Variants in UBE2E2 observed in about 807,000 individuals in gnomAD.
The protein encoded by UBE2E2 is ubiquitin-conjugating enzyme E2 E2.
A neutral mutation model predicts 24.7 loss-of-function variants in UBE2E2; 6 were observed. The ratio of observed to expected loss-of-function variants is 0.24; its 90% CI spans 0.13 to 0.48. The LOEUF (loss-of-function observed/expected upper bound fraction) is 0.48, where lower values mean the gene tolerates loss of function less well. Ranked by LOEUF, UBE2E2 falls within the 20% of genes least tolerant of loss-of-function variation. The probability of loss-of-function intolerance (pLI) is 0.99; values close to 1 mark genes in which losing one functional copy is unlikely to be tolerated. For synonymous variants in UBE2E2, 104 were observed against 83.6 expected, an observed-to-expected ratio of 1.24 and a Z score of -1.33; for missense variants, 169 against 245.0, an observed-to-expected ratio of 0.69 and a Z score of 2.07.
At chr3:23,216,335 G>A (rs932720578) in intron 2 of UBE2E2, among the ~76,000 whole-genome samples, 16 of 152,202 alleles carry the variant, frequency 1.1e-4, no homozygotes, top group African/African-American at 3.9e-4. Flanking sequence ...GAAATTGTTT[G>A]AGTTTAAATA....
intron 3 of UBE2E2, among the ~76,000 whole-genome samples, chr3:23,326,111 G>A (rs768104551): frequency 4.6e-5 from 7 of 151,912 alleles, no homozygotes; most frequent in South Asian, 2.1e-4. Context: ...TTGCTTTCTC[G>A]CCCAGGCTGG....
intron 3 of UBE2E2, among the ~76,000 whole-genome samples, chr3:23,249,535 T>C (rs1394537659): frequency 6.6e-6 from 1 of 152,202 alleles, no homozygotes; most frequent in African/African-American, 2.4e-5. Flanking sequence ...TGATTCAGGA[T>C]AAACGTAGTT....
At chr3:23,398,866 T>A (rs973044634) in intron 3 of UBE2E2, among the ~76,000 whole-genome samples, 1 of 152,188 alleles carries the variant, frequency 6.6e-6, no homozygotes, top group Non-Finnish European at 1.5e-5. Flanking sequence ...ATACTTATTA[T>A]AAATATTAAT....
intron 2 of UBE2E2, among the ~76,000 whole-genome samples, chr3:23,215,307 T>G (rs1214147528): frequency 6.6e-6 from 1 of 152,076 alleles, no homozygotes; most frequent in Non-Finnish European, 1.5e-5. Flanking sequence ...GCCAATAAAT[T>G]ATACATTTAT....
In UBE2E2 at chr3:23,391,473, T is replaced by G. The variant is rs938197057; in HGVS notation, c.228-108135T>G. Among the ~76,000 whole-genome samples, 5 of 152,342 alleles carry G rather than the reference T, an allele frequency of 3.3e-5. No homozygotes were observed. In the East Asian group the frequency reaches 9.6e-4, roughly 29 times the overall value. On this transcript the variant is annotated intron_variant, in intron 3 of 5. Transcript: ENST00000396703. The stretch of plus-strand genomic sequence containing the variant: ...TGGATACAGGCATGATGCAAACATT[T>G]AAAAATATGGCCACTGTCACAGGAG...
At position 23,346,035 on chromosome 3, in the gene UBE2E2, C is replaced by T. The variant is rs145961861; in HGVS notation, c.227+128723C>T. 8.4e-3 allele frequency among the ~76,000 whole-genome samples: 1,282 copies of T among 152,198 alleles called. 16 individuals carry two copies. Among genetic ancestry groups the T allele is most frequent in the African/African-American group, 0.028 (1,170 of 41,532 alleles). On this transcript the variant is annotated intron_variant, in intron 3 of 5. Transcript: ENST00000396703. Reference sequence around the variant, plus strand: ...ATGATATAATCAGTTCTGTGTGATTCGTTTGTTGTTCTACTGGAATGCATT... The same window carrying T: ...ATGATATAATCAGTTCTGTGTGATTTGTTTGTTGTTCTACTGGAATGCATT...
chr3:23,380,850 G>A (rs894782740), intron 3 of UBE2E2, among the ~76,000 whole-genome samples: 7 of 152,092 alleles, frequency 4.6e-5, no homozygotes, highest in Non-Finnish European at 8.8e-5. Context: ...AGCACTTTAT[G>A]TAAAACAATT....
chr3:23,458,504 G>A lies in UBE2E2; in HGVS notation c.228-41104G>A, dbSNP rs866701693. ...GCCATCTCAGCTCACTGCAAGCTCC[G>A]CCTGCCGGGTTCACACCATGCTCCT... On this transcript the variant is annotated intron_variant, in intron 3 of 5. Transcript: ENST00000396703. Among the ~76,000 whole-genome samples, 18 of 151,974 alleles carry A rather than the reference G, an allele frequency of 1.2e-4. No individual in the cohort carries two copies. The South Asian group carries it at 1.7e-3, about 14-fold the overall frequency.
At chr3:23,279,211 G>A (rs1698435504) in intron 3 of UBE2E2, among the ~76,000 whole-genome samples, 1 of 152,122 alleles carries the variant, frequency 6.6e-6, no homozygotes, top group African/African-American at 2.4e-5. Context: ...GTTGAGGCGT[G>A]ATTTCAGGGA....
intron 3 of UBE2E2, among the ~76,000 whole-genome samples, chr3:23,484,717 C>G (rs1388896993): frequency 6.6e-6 from 1 of 152,188 alleles, no homozygotes; most frequent in Non-Finnish European, 1.5e-5. Flanking sequence ...GGGAAGGCCT[C>G]ACAATCATGG....
chr3:23,333,002 T>C (rs1695106327), intron 3 of UBE2E2, among the ~76,000 whole-genome samples: 1 of 152,206 alleles, frequency 6.6e-6, no homozygotes, highest in Non-Finnish European at 1.5e-5. Flanking sequence ...CAGAGATTTG[T>C]GAAAATTACT....
intron 3 of UBE2E2, among the ~76,000 whole-genome samples, chr3:23,418,469 CCAGAGCTGTTCTA>C (rs1224979898): frequency 6.6e-5 from 10 of 151,876 alleles, no homozygotes; most frequent in Non-Finnish European, 1.2e-4. Context: ...GACCTGCACC[CCAGAGCTGTTCTA>C]TTTGGCCATC....
At chr3:23,378,236 T>TAAAAAAAA (rs56808350) in intron 3 of UBE2E2, among the ~76,000 whole-genome samples, 38 of 118,030 alleles carry the variant, frequency 3.2e-4, no homozygotes, top group Non-Finnish European at 3.6e-4. Context: ...AAATAAGCAG[T>TAAAAAAAA]AAAAAAAAAA....
intron 3 of UBE2E2, among the ~76,000 whole-genome samples, chr3:23,234,769 ATGT>A (rs537619053): frequency 9.8e-4 from 150 of 152,304 alleles, no homozygotes; most frequent in African/African-American, 3.4e-3. Flanking sequence ...ACATGTTATC[ATGT>A]TGTTAAGCGG....
rs555160454 is a variant in UBE2E2 at position 23,590,035 on chromosome 3, A to G, written c.*204A>G. On this transcript the variant is annotated 3_prime_UTR_variant, in exon 6 of 6. Transcript: ENST00000396703. ...TCTCCCACGCTCTCTTTTATCTCTCATTTTATTCCCTTGTTGATTTCTGTT... is the reference window on the plus strand; with the variant it reads ...TCTCCCACGCTCTCTTTTATCTCTCGTTTTATTCCCTTGTTGATTTCTGTT... The G allele has an allele frequency of 3.1e-5, 15 of 489,094 alleles. No homozygotes were observed. The South Asian group carries it at 6.3e-4, about 20-fold the overall frequency. 30.3% of individuals were successfully genotyped at this position (489,094 alleles called of 1,614,324 possible). A position where few individuals can be genotyped will look rare whatever the true frequency, so the allele number is the denominator to read the frequency against.
intron 3 of UBE2E2, among the ~76,000 whole-genome samples, chr3:23,248,549 C>T (rs747504221): frequency 6.6e-5 from 10 of 152,220 alleles, no homozygotes; most frequent in Non-Finnish European, 1.2e-4. Flanking sequence ...TTAGTGGAAG[C>T]GTTAGATCAC....
At chr3:23,566,415 C>G (rs1224030037) in intron 5 of UBE2E2, among the ~76,000 whole-genome samples, 1 of 152,076 alleles carries the variant, frequency 6.6e-6, no homozygotes, top group South Asian at 2.1e-4. Flanking sequence ...TGGTTCATCT[C>G]GTAGTGGACA....
intron 4 of UBE2E2, among the ~76,000 whole-genome samples, chr3:23,530,843 G>A (rs1368551716): frequency 6.6e-6 from 1 of 152,110 alleles, no homozygotes; most frequent in Non-Finnish European, 1.5e-5. Context: ...TTAAGACTGA[G>A]TACCATCTTT....
At chr3:23,343,171 A>G (rs1695448258) in intron 3 of UBE2E2, among the ~76,000 whole-genome samples, 1 of 152,142 alleles carries the variant, frequency 6.6e-6, no homozygotes. Flanking sequence ...AAGGTACATG[A>G]AGGAGTTAAC....
Sources: gnomAD v4.1 joint callset for allele counts (sites outside exome capture counted in the v4.1 genomes callset) on GRCh38, gnomAD v4.1.1 for gene constraint, MANE v1.5 for transcripts, NCBI Gene and HGNC (gene_info 2026-07-23, HGNC 2026-07-21) for gene names.